CC2D2A: variants seen among roughly 807,000 people sequenced by gnomAD.
CC2D2A encodes the protein coiled-coil and C2 domain containing 2A, also known as coiled-coil and C2 domain-containing protein 2A.
In CC2D2A, 155 loss-of-function variants were observed where a neutral mutation model predicts 212.9. The ratio of observed to expected loss-of-function variants is 0.73; its 90% CI spans 0.64 to 0.83. CC2D2A has a LOEUF of 0.83. Among genes scored for constraint, CC2D2A ranks in the 40% least tolerant of loss-of-function variants. The probability of loss-of-function intolerance (pLI) is 0.00; values close to 1 mark genes in which losing one functional copy is unlikely to be tolerated. For synonymous variants in CC2D2A, 667 were observed against 686.5 expected, an observed-to-expected ratio of 0.97 and a Z score of 0.44; for missense variants, 1,856 against 1,956.2, an observed-to-expected ratio of 0.95 and a Z score of 0.97.
chr4:15,533,761 C>A (rs1717977577), intron 14 of CC2D2A, among the ~76,000 whole-genome samples: 1 of 152,176 alleles, frequency 6.6e-6, no homozygotes, highest in Non-Finnish European at 1.5e-5. Flanking sequence ...TACAATACTT[C>A]ATTATATGAA....
intron 28 of CC2D2A, 35 bp downstream of exon 28, chr4:15,570,531 G>A: frequency 7.1e-7 from 1 of 1,401,730 alleles, no homozygotes; most frequent in Middle Eastern, 1.8e-4. Flanking sequence ...ATGAGAGCAG[G>A]GAATTTCTCT....
chr4:15,555,818 C>T (rs1719248810), intron 20 of CC2D2A, among the ~76,000 whole-genome samples: 2 of 152,214 alleles, frequency 1.3e-5, no homozygotes, highest in Admixed American at 6.5e-5. Flanking sequence ...GTCACTCCTA[C>T]CTCCAACCTC....
rs753590658 is a variant in CC2D2A, at chr4:15,500,075, T to TTG, written c.248-2322_248-2321dup. ...TAAAGTGTACTTACACAAACCTAGA[T>TTG]TGTGTGTGTGTGTGTGTGTGTGTGT... On this transcript the variant is annotated intron_variant, in intron 4 of 36. Coordinates refer to ENST00000424120, the MANE Select transcript of CC2D2A (RefSeq NM_001378615.1). Among the ~76,000 whole-genome samples, 1,121 of 124,386 alleles carry TTG rather than the reference T, an allele frequency of 9.0e-3. 13 individuals carry two copies. Among genetic ancestry groups the TTG allele is most frequent in the East Asian group, 0.043 (175 of 4,086 alleles). 81.6% of individuals were successfully genotyped at this position (124,386 alleles called of 152,430 possible).
chr4:15,580,637 CAAAAAAAAAAAA>C (rs58107216), intron 30 of CC2D2A, among the ~76,000 whole-genome samples: 2 of 89,436 alleles, frequency 2.2e-5, no homozygotes, highest in African/African-American at 8.8e-5. Flanking sequence ...GACTCTGTCT[CAAAAAAAAAAAA>C]AAAAAAAAAA....
At chr4:15,568,236 T>C (rs1261257276) in intron 26 of CC2D2A, among the ~76,000 whole-genome samples, 3 of 152,242 alleles carry the variant, frequency 2.0e-5, no homozygotes, top group African/African-American at 7.2e-5. Context: ...TTCTTATTAT[T>C]TCAGTACTTG....
At chr4:15,524,970 C>T (rs534345400) in intron 11 of CC2D2A, among the ~76,000 whole-genome samples, 12 of 152,232 alleles carry the variant, frequency 7.9e-5, no homozygotes, top group South Asian at 6.2e-4. Context: ...GGAAAACAGA[C>T]GCAACAAAAA....
chr4:15,552,601 A>C (rs1384820773), intron 18 of CC2D2A, among the ~76,000 whole-genome samples: 1 of 152,182 alleles, frequency 6.6e-6, no homozygotes, highest in Non-Finnish European at 1.5e-5. Context: ...TAACATACTA[A>C]GTATTTCTCT....
At chr4:15,504,399 A>G (rs1716139778) in intron 6 of CC2D2A, among the ~76,000 whole-genome samples, 1 of 152,218 alleles carries the variant, frequency 6.6e-6, no homozygotes, top group Non-Finnish European at 1.5e-5. Flanking sequence ...AAAGAAAAAT[A>G]TCTATAATCC....
Position 15,555,113 on chromosome 4 carries a change from C to G in CC2D2A, c.2528C>G (p.Ser843Ter). The change falls in exon 20 of 37, where the codon TCA becomes TGA. Residue 843 changes from serine to a stop codon, truncating the protein, a stop_gained. Transcript: ENST00000424120. LOFTEE classifies it high-confidence loss of function. ...KADAISSIGT[S>*]GLTDMKKLAK... ...GATGCCATCTCATCTATTGGCACATCAGGACTGACAGACATGAAAAAATTG... is the reference window on the plus strand; with the variant it reads ...GATGCCATCTCATCTATTGGCACATGAGGACTGACAGACATGAAAAAATTG... 6.2e-7 allele frequency: 1 copy of G among 1,613,672 alleles called. No individual in the cohort carries two copies. The highest frequency in any genetic ancestry group is 8.5e-7 in the Non-Finnish European group (1 of 1,179,762).
Position 15,514,758 on chromosome 4 carries a change from T to C in CC2D2A, c.769T>C (p.Leu257=). Residue 257 remains leucine (L), a synonymous_variant, in exon 9 of 37, where the codon TTA becomes CTA. Coordinates refer to ENST00000424120, the MANE Select transcript of CC2D2A (RefSeq NM_001378615.1). The stretch of plus-strand genomic sequence containing the variant: ...TGATGCCGAGGACTTCCTATTGGGC[T>C]TAGATCACGTGGCTGACGATTTTGT... The part of the protein sequence containing the change: ...GDDAEDFLLG[L]DHVADDFVAV... The C allele has an allele frequency of 6.2e-7, 1 of 1,612,912 alleles. No individual in the cohort carries two copies.
intron 4 of CC2D2A, among the ~76,000 whole-genome samples, chr4:15,485,235 T>C (rs1714930752): frequency 6.6e-6 from 1 of 152,250 alleles, no homozygotes; most frequent in East Asian, 1.9e-4. Flanking sequence ...GTACTAGTTG[T>C]CTTTCTGTGC....
intron 12 of CC2D2A, among the ~76,000 whole-genome samples, chr4:15,528,057 C>A (rs983036044): frequency 6.6e-6 from 1 of 152,178 alleles, no homozygotes; most frequent in Non-Finnish European, 1.5e-5. Flanking sequence ...AAACACAAGT[C>A]AGTGTTTCAA....
intron 33 of CC2D2A, 167 bp from the exon 34 acceptor site, chr4:15,595,918 T>A (rs1721297422): frequency 2.3e-6 from 1 of 443,648 alleles, no homozygotes; most frequent in African/African-American, 2.0e-5. Flanking sequence ...TGCCACTGAT[T>A]GTAAAATACA....
chr4:15,528,765 G>A (rs201285594), intron 13 of CC2D2A, 39 bp downstream of exon 13: 78 of 1,401,760 alleles, frequency 5.6e-5, no homozygotes, highest in African/African-American at 4.3e-4. Context: ...TTTTTTTCCC[G>A]TTAGATGTGC....
chr4:15,570,376 T>C, intron 27 of CC2D2A, 22 bp from the exon 28 acceptor site: 1 of 1,467,202 alleles, frequency 6.8e-7, no homozygotes, highest in Middle Eastern at 1.7e-4. Flanking sequence ...TAAGCAATTA[T>C]TACTTCCCAC....
chr4:15,517,208 A>T (rs187828696), intron 11 of CC2D2A, among the ~76,000 whole-genome samples: 1 of 152,110 alleles, frequency 6.6e-6, no homozygotes, highest in South Asian at 2.1e-4. Flanking sequence ...CAGCCTCCCA[A>T]AGTGCTGGGA....
chr4:15,516,605 T>A lies in CC2D2A; in HGVS notation c.1018-20T>A, dbSNP rs1716884886. 1 of 1,599,770 alleles carries A rather than the reference T, an allele frequency of 6.3e-7. No individual in the cohort carries two copies. Among genetic ancestry groups the A allele is most frequent in the African/African-American group, 1.3e-5 (1 of 74,666 alleles). ...TTCGATTAGAAGAAAATGTTGCCAT[T>A]CCCTCTGCTTCATCTACAGGAAAGA... On this transcript the variant is annotated intron_variant, in intron 10 of 36. Transcript: ENST00000424120.
intron 6 of CC2D2A, among the ~76,000 whole-genome samples, chr4:15,506,185 A>G (rs1406977782): frequency 6.6e-6 from 1 of 152,216 alleles, no homozygotes; most frequent in African/African-American, 2.4e-5. Context: ...GTTCTTTAAA[A>G]TTTAATTTAG....
At chr4:15,533,155 C>G in intron 13 of CC2D2A, 38 bp from the exon 14 acceptor site, 2 of 1,527,814 alleles carry the variant, frequency 1.3e-6, no homozygotes, top group Non-Finnish European at 1.7e-6. Flanking sequence ...ACACACCTGA[C>G]TTTTTAATAT....
Sources: gnomAD v4.1 joint callset for allele counts (sites outside exome capture counted in the v4.1 genomes callset) on GRCh38, gnomAD v4.1.1 for gene constraint, MANE v1.5 for transcripts, NCBI Gene and HGNC (gene_info 2026-07-23, HGNC 2026-07-21) for gene names.